The following CENPP variants were observed in gnomAD, a reference collection of about 807,000 sequenced individuals.
CENPP encodes centromere protein P.
In CENPP, 24 loss-of-function variants were observed where a neutral mutation model predicts 35.6. That is an observed-to-expected ratio of 0.67 (90% CI 0.49 to 0.95). The LOEUF (loss-of-function observed/expected upper bound fraction) is 0.95. Ranked by LOEUF, CENPP falls within the 40% of genes least tolerant of loss-of-function variation. CENPP has a pLI of 0.00. For missense variants in CENPP, 332 were observed against 345.3 expected (o/e 0.96, Z 0.31); for synonymous variants, 120 against 125.5 (o/e 0.96, Z 0.29).
chr9:92,360,697 TTTTA>T (rs1217214617), intron 4 of CENPP, among the ~76,000 whole-genome samples: 3 of 152,026 alleles, frequency 2.0e-5, no homozygotes, highest in Admixed American at 2.0e-4. Flanking sequence ...TATTTTTTAT[TTTTA>T]TTTATTTATT....
chr9:92,612,942 G>T, intron 7 of CENPP, 77 bp from the exon 8 acceptor site: 1 of 1,566,792 alleles, frequency 6.4e-7, no homozygotes. Flanking sequence ...TCTTGGTGAG[G>T]TCCATGCCAG....
chr9:92,459,362 T>C (rs1474133527), intron 5 of CENPP, among the ~76,000 whole-genome samples: 3 of 152,242 alleles, frequency 2.0e-5, no homozygotes, highest in Admixed American at 1.3e-4. Context: ...TGAAATTAAC[T>C]GTGCCAGCGG....
At chr9:92,494,901 G>A (rs375272073) in intron 5 of CENPP, among the ~76,000 whole-genome samples, 17 of 152,062 alleles carry the variant, frequency 1.1e-4, no homozygotes, top group East Asian at 9.6e-4. Context: ...GTGACACTCC[G>A]TCTAAAAAAA....
intron 4 of CENPP, among the ~76,000 whole-genome samples, chr9:92,355,989 A>G (rs1170774179): frequency 1.3e-5 from 2 of 152,252 alleles, no homozygotes; most frequent in African/African-American, 2.4e-5. Context: ...TAAAATTGAT[A>G]GAGTTTCTAA....
intron 5 of CENPP, among the ~76,000 whole-genome samples, chr9:92,562,179 T>A (rs542735122): frequency 6.6e-6 from 1 of 151,764 alleles, no homozygotes; most frequent in South Asian, 2.1e-4. Flanking sequence ...ATTTCCCTTC[T>A]GGAACTCAGT....
intron 5 of CENPP, among the ~76,000 whole-genome samples, chr9:92,432,518 T>C (rs1167330695): frequency 6.6e-6 from 1 of 152,044 alleles, no homozygotes; most frequent in Non-Finnish European, 1.5e-5. Flanking sequence ...CAATAAGCCA[T>C]GTGACAACAA....
chr9:92,494,219 G>T, intron 5 of CENPP: 2 of 1,495,746 alleles, frequency 1.3e-6, no homozygotes, highest in South Asian at 1.2e-5. Flanking sequence ...ATCCCAAGAT[G>T]CTAGTTCTGC....
intron 5 of CENPP, among the ~76,000 whole-genome samples, chr9:92,399,787 C>T (rs116024897): frequency 1.4e-3 from 209 of 152,184 alleles, no homozygotes; most frequent in African/African-American, 4.6e-3. Flanking sequence ...AGGTTGGTAC[C>T]TTTAGTATGT....
chr9:92,531,345 C>T (rs906729730), intron 5 of CENPP, among the ~76,000 whole-genome samples: 2 of 152,152 alleles, frequency 1.3e-5, no homozygotes, highest in Non-Finnish European at 2.9e-5. Context: ...ACCTTTACCT[C>T]TTCCTGGACA....
At chr9:92,538,391 CA>C (rs1849239579) in intron 5 of CENPP, among the ~76,000 whole-genome samples, 1 of 152,096 alleles carries the variant, frequency 6.6e-6, no homozygotes, top group African/African-American at 2.4e-5. Context: ...GAATAAACAA[CA>C]AAATATTAAC....
intron 5 of CENPP, among the ~76,000 whole-genome samples, chr9:92,423,802 C>T (rs1354643595): frequency 1.3e-5 from 2 of 152,068 alleles, no homozygotes; most frequent in African/African-American, 2.4e-5. Flanking sequence ...CCATCAACCC[C>T]CCAACCGGAA....
chr9:92,400,274 C>T (rs550597591), intron 5 of CENPP, among the ~76,000 whole-genome samples: 57 of 152,186 alleles, frequency 3.7e-4, no homozygotes, highest in Middle Eastern at 6.8e-3. Context: ...CTCAGCTTCC[C>T]GAGTAGCTGG....
At chr9:92,343,321 T>C (rs1841179115) in intron 3 of CENPP, among the ~76,000 whole-genome samples, 1 of 152,306 alleles carries the variant, frequency 6.6e-6, no homozygotes, top group Admixed American at 6.5e-5. Flanking sequence ...AGAGCTCTGT[T>C]GGCCAGATTT....
intron 2 of CENPP, among the ~76,000 whole-genome samples, chr9:92,336,059 A>G (rs1840916269): frequency 6.6e-6 from 1 of 152,196 alleles, no homozygotes; most frequent in Non-Finnish European, 1.5e-5. Flanking sequence ...CATTGCATCT[A>G]TCTGTTATGT....
chr9:92,492,944 G>A (rs773468456), intron 5 of CENPP, among the ~76,000 whole-genome samples: 1 of 152,166 alleles, frequency 6.6e-6, no homozygotes, highest in Non-Finnish European at 1.5e-5. Context: ...CATTTAAGGC[G>A]GTCAGGGGCC....
intron 5 of CENPP, chr9:92,393,281 C>A (rs2274966): frequency 0.37 from 565,984 of 1,521,480 alleles, 111,345 homozygotes; most frequent in African/African-American, 0.71. Flanking sequence ...TATGAACAAT[C>A]GTTTGAAAAT....
chr9:92,441,377 T>C (rs1844382789), intron 5 of CENPP, among the ~76,000 whole-genome samples: 1 of 152,092 alleles, frequency 6.6e-6, no homozygotes, highest in Non-Finnish European at 1.5e-5. Context: ...GAAATGCCTG[T>C]GAGACAAACA....
intron 5 of CENPP, chr9:92,404,736 G>T: frequency 1.0e-6 from 1 of 990,318 alleles, no homozygotes; most frequent in Non-Finnish European, 1.3e-6. Context: ...GTTATTTGTT[G>T]TAACTGCTGC....
At chr9:92,349,441 G>A (rs531544509) in intron 4 of CENPP, among the ~76,000 whole-genome samples, 1 of 146,712 alleles carries the variant, frequency 6.8e-6, no homozygotes, top group East Asian at 2.0e-4. Context: ...GTCTCGCCCT[G>A]TCACCAGGCT....
Sources: gnomAD v4.1 joint callset for allele counts (sites outside exome capture counted in the v4.1 genomes callset) on GRCh38, gnomAD v4.1.1 for gene constraint, MANE v1.5 for transcripts, NCBI Gene and HGNC (gene_info 2026-07-23, HGNC 2026-07-21) for gene names.